GABRG3: variants seen among roughly 807,000 people sequenced by gnomAD.
The protein encoded by GABRG3 is gamma-aminobutyric acid type A receptor subunit gamma3.
GABRG3 carries 25 observed loss-of-function variants against 48.8 expected under a neutral mutation model. The observed-to-expected ratio is 0.51, with a 90% CI of 0.37 to 0.72. The LOEUF is 0.72. GABRG3 is among the 30% of genes least tolerant of loss of function. The pLI is 0.00. For missense variants in GABRG3, 394 were observed against 577.9 expected (o/e 0.68, Z 3.26); for synonymous variants, 227 against 217.6 (o/e 1.04, Z -0.38).
chr15:27,350,185 A>G (rs1224522913), intron 5 of GABRG3: 1 of 455,886 alleles, frequency 2.2e-6, no homozygotes, highest in South Asian at 1.5e-5. Flanking sequence ...TAAAAGTTTC[A>G]AGCTTGATGG....
At chr15:27,004,329 G>C (rs1015556451) in intron 2 of GABRG3, among the ~76,000 whole-genome samples, 1 of 151,418 alleles carries the variant, frequency 6.6e-6, no homozygotes, top group African/African-American at 2.4e-5. Flanking sequence ...GGCAGAGGCG[G>C]TCCCCACATC....
At chr15:27,441,330 A>C (rs1021477967) in intron 5 of GABRG3, among the ~76,000 whole-genome samples, 1 of 152,196 alleles carries the variant, frequency 6.6e-6, no homozygotes. Context: ...ATGTTAAATT[A>C]TTGATCCTTG....
At chr15:26,979,323 G>A (rs555645222) in intron 2 of GABRG3, among the ~76,000 whole-genome samples, 2 of 152,152 alleles carry the variant, frequency 1.3e-5, no homozygotes, top group South Asian at 4.2e-4. Context: ...TCCAATCTGA[G>A]TATCTTTTAT....
chr15:27,450,135 G>A (rs1043076824), intron 5 of GABRG3, among the ~76,000 whole-genome samples: 1 of 152,176 alleles, frequency 6.6e-6, no homozygotes, highest in Non-Finnish European at 1.5e-5. Context: ...ACTTGTGGGG[G>A]TGGAGTTTCA....
intron 5 of GABRG3, among the ~76,000 whole-genome samples, chr15:27,380,798 C>T (rs1181479295): frequency 7.0e-6 from 1 of 142,698 alleles, no homozygotes; most frequent in African/African-American, 2.6e-5. Flanking sequence ...GCGAGTCTCA[C>T]TCTGTTGCCC....
intron 5 of GABRG3, among the ~76,000 whole-genome samples, 165 bp downstream of exon 5, chr15:27,329,053 T>A (rs1000576846): frequency 2.0e-5 from 3 of 152,140 alleles, no homozygotes; most frequent in Non-Finnish European, 4.4e-5. Flanking sequence ...ACTCTAGACC[T>A]TGTCACATAG....
At chr15:27,261,926 T>C (rs1890781605) in intron 3 of GABRG3, among the ~76,000 whole-genome samples, 1 of 152,238 alleles carries the variant, frequency 6.6e-6, no homozygotes. Context: ...CCATTTTGGC[T>C]GCATCTTATG....
intron 3 of GABRG3, among the ~76,000 whole-genome samples, chr15:27,163,067 G>A (rs970354345): frequency 6.6e-6 from 1 of 151,950 alleles, no homozygotes; most frequent in Non-Finnish European, 1.5e-5. Context: ...AGTGTCCCAT[G>A]TGGCTGCTCC....
chr15:27,196,192 A>G (rs1888491322), intron 3 of GABRG3, among the ~76,000 whole-genome samples: 1 of 152,004 alleles, frequency 6.6e-6, no homozygotes, highest in South Asian at 2.1e-4. Flanking sequence ...CTGCTTATAC[A>G]TTCCTGGTCA....
chr15:27,198,418 G>A (rs1334416507), intron 3 of GABRG3, among the ~76,000 whole-genome samples: 1 of 152,234 alleles, frequency 6.6e-6, no homozygotes, highest in Non-Finnish European at 1.5e-5. Context: ...CTGGTCATTA[G>A]AGAAATGCAA....
At chr15:27,355,869 A>T (rs567013466) in intron 5 of GABRG3, among the ~76,000 whole-genome samples, 251 of 152,362 alleles carry the variant, frequency 1.6e-3, no homozygotes, top group African/African-American at 5.8e-3. Context: ...CAGACACTAA[A>T]GGACAGTATG....
intron 3 of GABRG3, among the ~76,000 whole-genome samples, chr15:27,263,467 C>T (rs1158339695): frequency 6.6e-6 from 1 of 152,110 alleles, no homozygotes; most frequent in Admixed American, 6.5e-5. Flanking sequence ...ACTTGTCAAA[C>T]ACTTTCTCAA....
intron 3 of GABRG3, among the ~76,000 whole-genome samples, chr15:27,086,463 C>T (rs1444391646): frequency 6.6e-6 from 1 of 152,166 alleles, no homozygotes; most frequent in Admixed American, 6.5e-5. Flanking sequence ...ACTACCCTGC[C>T]TCCCCTGCCA....
intron 3 of GABRG3, among the ~76,000 whole-genome samples, chr15:27,070,412 G>A (rs907489457): frequency 1.3e-5 from 2 of 152,140 alleles, no homozygotes; most frequent in Non-Finnish European, 2.9e-5. Flanking sequence ...ATTCCATTAT[G>A]CCAGGCTTCC....
chr15:27,493,304 A>G (rs1205400348), intron 6 of GABRG3, among the ~76,000 whole-genome samples: 3 of 152,170 alleles, frequency 2.0e-5, no homozygotes, highest in African/African-American at 4.8e-5. Flanking sequence ...AAATATAAAC[A>G]TGAGAATTTT....
At chr15:27,531,874 A>G (rs1891431489) in intron 9 of GABRG3, among the ~76,000 whole-genome samples, 1 of 152,138 alleles carries the variant, frequency 6.6e-6, no homozygotes, top group Non-Finnish European at 1.5e-5. Context: ...TTTCCACTGC[A>G]GGAGGAGGGC....
At chr15:27,513,816 G>A (rs1890957058) in intron 6 of GABRG3, among the ~76,000 whole-genome samples, 1 of 152,040 alleles carries the variant, frequency 6.6e-6, no homozygotes. Flanking sequence ...ATTAAAACAC[G>A]AACTTAAATA....
chr15:27,405,354 A>G (rs1220995598), intron 5 of GABRG3, among the ~76,000 whole-genome samples: 9 of 152,214 alleles, frequency 5.9e-5, no homozygotes, highest in Admixed American at 5.2e-4. Context: ...TAAAGAAATA[A>G]TTATAAATGT....
chr15:27,418,257 C>T (rs1888003211), intron 5 of GABRG3, among the ~76,000 whole-genome samples: 1 of 152,174 alleles, frequency 6.6e-6, no homozygotes, highest in Non-Finnish European at 1.5e-5. Flanking sequence ...GATGGTGTTG[C>T]TCTGATGTAG....
Sources: allele counts gnomAD v4.1 joint callset (sites outside exome capture counted in the v4.1 genomes callset), GRCh38; gene constraint gnomAD v4.1.1; transcripts MANE v1.5; gene names NCBI Gene and HGNC (gene_info 2026-07-23, HGNC 2026-07-21).